The following NRG1 variants were observed in gnomAD, a reference collection of about 807,000 sequenced individuals.
The protein encoded by NRG1 is pro-neuregulin-1, membrane-bound isoform.
In NRG1, 18 loss-of-function variants were observed where a neutral mutation model predicts 63.8. That is an observed-to-expected ratio of 0.28 (90% CI 0.19 to 0.42). The LOEUF (loss-of-function observed/expected upper bound fraction) is 0.42, where lower values mean the gene tolerates loss of function less well. Ranked by LOEUF, NRG1 falls within the 10% of genes least tolerant of loss-of-function variation. The pLI is 1.00. For missense variants in NRG1, 762 were observed against 814.7 expected (o/e 0.94, Z 0.79); for synonymous variants, 302 against 301.3 (o/e 1.00, Z -0.02).
intron 1 of NRG1, among the ~76,000 whole-genome samples, chr8:32,438,840 A>AAATGCTTCTCTGTTCCTGTTGCCTATT (rs1819125275): frequency 1.3e-5 from 2 of 152,110 alleles, no homozygotes; most frequent in Admixed American, 1.3e-4. Flanking sequence ...TTCTTTAGTG[A>AAATGCTTCTCTGTTCCTGTTGCCTATT]AATGCTTCTC....
At chr8:32,740,785 C>G (rs912090806) in intron 6 of NRG1, among the ~76,000 whole-genome samples, 1 of 152,186 alleles carries the variant, frequency 6.6e-6, no homozygotes, top group Non-Finnish European at 1.5e-5. Flanking sequence ...GAAATTACCC[C>G]TATATTGGTA....
At chr8:32,714,151 T>A (rs1163257450) in intron 5 of NRG1, among the ~76,000 whole-genome samples, 8 of 152,212 alleles carry the variant, frequency 5.3e-5, no homozygotes, top group Non-Finnish European at 1.0e-4. Flanking sequence ...ATGCTATGAA[T>A]GCATTTGTCA....
chr8:32,462,676 T>C (rs921122418), intron 1 of NRG1, among the ~76,000 whole-genome samples: 1 of 139,826 alleles, frequency 7.2e-6, no homozygotes, highest in Non-Finnish European at 1.5e-5. Flanking sequence ...CAATCTCGGC[T>C]CACTGCAACT....
At chr8:32,055,379 T>C (rs1203109336) in intron 1 of NRG1, among the ~76,000 whole-genome samples, 1 of 152,170 alleles carries the variant, frequency 6.6e-6, no homozygotes, top group African/African-American at 2.4e-5. Flanking sequence ...TCATTTTCAT[T>C]CAGAATTAAG....
In NRG1 at chr8:32,326,006, A is replaced by G. The variant is rs1801957013; in HGVS notation, c.38-269822A>G. ...AACTGATGTTTTCTCTTCACATCAGATGTCACTTTTTTTTTTTTTTTTGAT... is the reference window on the plus strand; with the variant it reads ...AACTGATGTTTTCTCTTCACATCAGGTGTCACTTTTTTTTTTTTTTTTGAT... On this transcript the variant is annotated intron_variant, in intron 1 of 10. Transcript: ENST00000519301. Among the ~76,000 whole-genome samples, 4 of 142,268 alleles carry G rather than the reference A, an allele frequency of 2.8e-5. No homozygotes were observed. In the Admixed American group the frequency reaches 2.9e-4, roughly 10 times the overall value. The allele number at this position is 142,268 out of a possible 152,430, so 93.3% of individuals were successfully genotyped here.
intron 11 of NRG1, chr8:32,763,162 T>G: frequency 7.1e-6 from 11 of 1,560,056 alleles, no homozygotes; most frequent in Middle Eastern, 1.7e-4. Context: ...CACACAAATG[T>G]ATGACACTGT....
chr8:32,174,013 C>A (rs1183924195), intron 1 of NRG1, among the ~76,000 whole-genome samples: 4 of 152,170 alleles, frequency 2.6e-5, no homozygotes, highest in Non-Finnish European at 4.4e-5. Context: ...ACAGGACTCT[C>A]CACCCCAAAT....
intron 1 of NRG1, among the ~76,000 whole-genome samples, chr8:31,709,092 TA>T (rs763011684): frequency 5.1e-4 from 77 of 152,186 alleles, no homozygotes; most frequent in Non-Finnish European, 9.9e-4. Context: ...AAAATCTGCA[TA>T]AAAGTGGATT....
intron 1 of NRG1, among the ~76,000 whole-genome samples, chr8:31,921,534 A>C (rs760748215): frequency 4.6e-5 from 7 of 152,142 alleles, no homozygotes; most frequent in Admixed American, 2.0e-4. Context: ...GGCAACAGGA[A>C]GAGCATGCTG....
chr8:31,851,365 A>C (rs765185132), intron 1 of NRG1, among the ~76,000 whole-genome samples: 3 of 152,124 alleles, frequency 2.0e-5, no homozygotes, highest in Non-Finnish European at 4.4e-5. Flanking sequence ...CATTTCTTAA[A>C]AGGATTATGT....
At chr8:31,917,820 G>C (rs999453525) in intron 1 of NRG1, among the ~76,000 whole-genome samples, 10 of 152,092 alleles carry the variant, frequency 6.6e-5, no homozygotes, top group African/African-American at 2.2e-4. Flanking sequence ...TCATGATATT[G>C]ACTCTTCCTA....
At chr8:32,660,432 C>T (rs1478080654) in intron 5 of NRG1, among the ~76,000 whole-genome samples, 1 of 152,144 alleles carries the variant, frequency 6.6e-6, no homozygotes, top group East Asian at 1.9e-4. Context: ...AAATCACTGA[C>T]ATTTTAATTT....
At chr8:31,841,133 TC>T (rs1311470108) in intron 1 of NRG1, among the ~76,000 whole-genome samples, 2 of 151,706 alleles carry the variant, frequency 1.3e-5, no homozygotes, top group Non-Finnish European at 2.9e-5. Context: ...TAGTTGGATC[TC>T]AAAAGAATTA....
intron 1 of NRG1, among the ~76,000 whole-genome samples, chr8:32,179,091 A>G (rs1585879427): frequency 6.7e-6 from 1 of 148,772 alleles, no homozygotes; most frequent in Non-Finnish European, 1.5e-5. Context: ...GTGTAGGATC[A>G]GGGGAGGGTG....
chr8:31,937,758 C>T (rs1189384804), intron 1 of NRG1, among the ~76,000 whole-genome samples: 5 of 152,144 alleles, frequency 3.3e-5, no homozygotes, highest in Admixed American at 3.3e-4. Context: ...TCCCCCACTT[C>T]TCTGGTATCC....
chr8:32,344,379 T>TTTCTTTCTTTCTTTCC (rs1190042833), intron 1 of NRG1, among the ~76,000 whole-genome samples: 1 of 135,146 alleles, frequency 7.4e-6, no homozygotes, highest in African/African-American at 2.8e-5. Context: ...TCTTTCTTTC[T>TTTCTTTCTTTCTTTCC]TTCTCTTTCT....
chr8:32,764,659 A>G, exon 12 of NRG1: 1 of 292,550 alleles, frequency 3.4e-6, no homozygotes, highest in Non-Finnish European at 6.3e-6. Context: ...TTGTACAGTT[A>G]CAGTGATTGC....
intron 1 of NRG1, among the ~76,000 whole-genome samples, chr8:32,471,033 C>A (rs766688890): frequency 1.3e-5 from 2 of 152,096 alleles, no homozygotes; most frequent in Non-Finnish European, 2.9e-5. Context: ...AACTCCTAGG[C>A]GCAAGCAATC....
intron 1 of NRG1, among the ~76,000 whole-genome samples, chr8:32,348,914 A>G (rs949396231): frequency 1.2e-4 from 19 of 152,244 alleles, no homozygotes; most frequent in Admixed American, 1.2e-3. Context: ...AAGGCCAATC[A>G]GACTTTGAGG....
Sources: allele counts gnomAD v4.1 joint callset (sites outside exome capture counted in the v4.1 genomes callset), GRCh38; gene constraint gnomAD v4.1.1; transcripts MANE v1.5; gene names NCBI Gene and HGNC (gene_info 2026-07-23, HGNC 2026-07-21).